SLC49A4: variants seen among roughly 807,000 people sequenced by gnomAD.
The protein encoded by SLC49A4 is disrupted in renal cancer protein 2.
A neutral mutation model predicts 50.6 loss-of-function variants in SLC49A4; 36 were observed. That is an observed-to-expected ratio of 0.71 (90% CI 0.55 to 0.94). SLC49A4 has a LOEUF of 0.94. Ranked by LOEUF, SLC49A4 falls within the 40% of genes least tolerant of loss-of-function variation. The pLI is 0.00. For synonymous variants in SLC49A4, 248 were observed against 241.2 expected (o/e 1.03, Z -0.26); for missense variants, 503 against 605.7 (o/e 0.83, Z 1.78).
intron 7 of SLC49A4, among the ~76,000 whole-genome samples, chr3:122,870,451 A>G (rs894772106): frequency 4.0e-5 from 6 of 151,350 alleles, no homozygotes; most frequent in African/African-American, 1.5e-4. Flanking sequence ...TCCTGGGCTC[A>G]AGCAGCCCTG....
chr3:122,867,511 G>A (rs1393596215), intron 7 of SLC49A4, among the ~76,000 whole-genome samples: 2 of 152,154 alleles, frequency 1.3e-5, no homozygotes, highest in Non-Finnish European at 2.9e-5. Flanking sequence ...GATAATATAT[G>A]TGAAAGCAGT....
rs1477324347 is a variant in SLC49A4 at position 122,808,674 on chromosome 3, C to T, written c.437+1724C>T. 1.1e-4 allele frequency among the ~76,000 whole-genome samples: 16 copies of T among 152,076 alleles called. No homozygotes were observed. The East Asian group carries it at 2.9e-3, about 27-fold the overall frequency. ...ACTGGAGGTTTTGAGCTGAGAGTGC[C>T]ATGGTGCTCGGCTGCTCCTTTGAGA... On this transcript the variant is annotated intron_variant, in intron 2 of 8. Transcript: ENST00000261038.
chr3:122,870,596 G>T (rs1192340843), intron 7 of SLC49A4, among the ~76,000 whole-genome samples: 1 of 149,852 alleles, frequency 6.7e-6, no homozygotes, highest in Non-Finnish European at 1.5e-5. Flanking sequence ...ATCACTTGAG[G>T]TCAGGAGTTC....
At chr3:122,815,855 G>A (rs1227219719) in intron 2 of SLC49A4, among the ~76,000 whole-genome samples, 4 of 152,116 alleles carry the variant, frequency 2.6e-5, no homozygotes, top group African/African-American at 9.7e-5. Flanking sequence ...ATGCTGATTT[G>A]GGAACCTGAA....
chr3:122,795,615 G>C, intron 1 of SLC49A4, 80 bp downstream of exon 1: 1 of 1,496,736 alleles, frequency 6.7e-7, no homozygotes, highest in Non-Finnish European at 8.8e-7. Flanking sequence ...CCTGCCAGCC[G>C]CCTCCCTTGG....
intron 4 of SLC49A4, among the ~76,000 whole-genome samples, chr3:122,835,674 A>G (rs1482893507): frequency 3.9e-5 from 6 of 152,078 alleles, no homozygotes; most frequent in African/African-American, 1.4e-4. Context: ...ACTTGAAAGT[A>G]TTTCCCCTGA....
At chr3:122,823,386 A>G (rs538246210) in intron 2 of SLC49A4, among the ~76,000 whole-genome samples, 1 of 152,378 alleles carries the variant, frequency 6.6e-6, no homozygotes, top group South Asian at 2.1e-4. Context: ...AAGGACATGC[A>G]GAGACCTCCA....
intron 2 of SLC49A4, among the ~76,000 whole-genome samples, chr3:122,819,422 A>G (rs1576295182): frequency 1.3e-5 from 2 of 152,120 alleles, no homozygotes; most frequent in Admixed American, 6.5e-5. Flanking sequence ...TGTATTTTCT[A>G]TAGCTGGTAC....
At chr3:122,812,921 C>T (rs889013857) in intron 2 of SLC49A4, among the ~76,000 whole-genome samples, 5 of 151,968 alleles carry the variant, frequency 3.3e-5, no homozygotes, top group African/African-American at 1.2e-4. Flanking sequence ...AAAAGATAAC[C>T]AGTCATGATA....
intron 4 of SLC49A4, among the ~76,000 whole-genome samples, chr3:122,835,807 T>G (rs1229526815): frequency 6.6e-6 from 1 of 152,086 alleles, no homozygotes; most frequent in African/African-American, 2.4e-5. Context: ...AAAGAGGAAG[T>G]CAAATGATCA....
chr3:122,870,167 A>C (rs1213852172), intron 7 of SLC49A4, among the ~76,000 whole-genome samples: 3 of 152,072 alleles, frequency 2.0e-5, no homozygotes, highest in African/African-American at 7.2e-5. Flanking sequence ...ATGTTTCCTA[A>C]AAACAGCTAA....
chr3:122,851,306 T>G (rs908732224), intron 5 of SLC49A4, among the ~76,000 whole-genome samples: 1 of 152,218 alleles, frequency 6.6e-6, no homozygotes, highest in Non-Finnish European at 1.5e-5. Flanking sequence ...TTTGTTTGTT[T>G]ATTGTACAGG....
At chr3:122,832,637 A>G (rs1438003089) in intron 3 of SLC49A4, among the ~76,000 whole-genome samples, 1 of 152,126 alleles carries the variant, frequency 6.6e-6, no homozygotes, top group African/African-American at 2.4e-5. Context: ...TTATTAGACA[A>G]TCATCCTAGA....
intron 4 of SLC49A4, among the ~76,000 whole-genome samples, chr3:122,837,897 G>A (rs1464639026): frequency 2.0e-5 from 3 of 152,124 alleles, no homozygotes; most frequent in African/African-American, 7.2e-5. Context: ...AGTGGGCAAA[G>A]GATATGAACA....
chr3:122,870,843 T>TTA (rs1937189194), intron 7 of SLC49A4, among the ~76,000 whole-genome samples: 1 of 147,666 alleles, frequency 6.8e-6, no homozygotes, highest in African/African-American at 2.5e-5. Flanking sequence ...ATAATAATAA[T>TTA]TAATTAATAA....
intron 2 of SLC49A4, 141 bp from the exon 3 acceptor site, chr3:122,826,659 C>A: frequency 1.3e-6 from 1 of 792,432 alleles, no homozygotes; most frequent in Non-Finnish European, 2.0e-6. Flanking sequence ...GGTAAATCAA[C>A]ATGTCTTTTA....
intron 3 of SLC49A4, among the ~76,000 whole-genome samples, chr3:122,829,068 G>T (rs894942232): frequency 3.9e-5 from 6 of 152,154 alleles, no homozygotes; most frequent in Non-Finnish European, 1.5e-5. Context: ...TACTGTACTA[G>T]AATTGTCATT....
chr3:122,828,129 G>A (rs1331432145), intron 3 of SLC49A4, among the ~76,000 whole-genome samples: 1 of 152,120 alleles, frequency 6.6e-6, no homozygotes, highest in Non-Finnish European at 1.5e-5. Context: ...TAACTTTTTT[G>A]TTCACTTATA....
At chr3:122,826,092 C>A (rs1020289111) in intron 2 of SLC49A4, among the ~76,000 whole-genome samples, 1 of 152,202 alleles carries the variant, frequency 6.6e-6, no homozygotes, top group East Asian at 1.9e-4. Context: ...TATTCAACTT[C>A]AGCTGATCTC....
Sources: gnomAD v4.1 joint callset for allele counts (sites outside exome capture counted in the v4.1 genomes callset) on GRCh38, gnomAD v4.1.1 for gene constraint, MANE v1.5 for transcripts, NCBI Gene and HGNC (gene_info 2026-07-23, HGNC 2026-07-21) for gene names.